Variants in GRIN2B observed in about 807,000 individuals in gnomAD.
GRIN2B encodes glutamate ionotropic receptor NMDA type subunit 2B.
A neutral mutation model predicts 114.5 loss-of-function variants in GRIN2B; 5 were observed. The observed-to-expected ratio is 0.04, with a 90% confidence interval of 0.02 to 0.09. The LOEUF (loss-of-function observed/expected upper bound fraction) is 0.09. Among genes scored for constraint, GRIN2B ranks in the 10% least tolerant of loss-of-function variants. GRIN2B has a pLI of 1.00. For synonymous variants in GRIN2B, 787 were observed against 745.1 expected, an observed-to-expected ratio of 1.06 and a Z score of -0.92; for missense variants, 1,108 against 1,943.5, an observed-to-expected ratio of 0.57 and a Z score of 8.08.
chr12:13,729,285 T>G (rs796970212), intron 4 of GRIN2B, among the ~76,000 whole-genome samples: 7 of 152,312 alleles, frequency 4.6e-5, no homozygotes, highest in African/African-American at 1.7e-4. Flanking sequence ...TAACTCTTTA[T>G]CACAAATAAT....
chr12:13,915,046 GAGA>G (rs1249250296), intron 2 of GRIN2B, among the ~76,000 whole-genome samples: 1 of 152,130 alleles, frequency 6.6e-6, no homozygotes, highest in Non-Finnish European at 1.5e-5. Flanking sequence ...ATAACTAGAA[GAGA>G]AGAATCCAAA....
At chr12:13,965,047 T>A (rs902425592) in intron 2 of GRIN2B, among the ~76,000 whole-genome samples, 5 of 152,152 alleles carry the variant, frequency 3.3e-5, no homozygotes, top group African/African-American at 7.2e-5. Flanking sequence ...TTGACCACCA[T>A]CTATTTAACC....
chr12:13,692,104 A>T (rs1308785823), intron 4 of GRIN2B, among the ~76,000 whole-genome samples: 2 of 152,196 alleles, frequency 1.3e-5, no homozygotes, highest in African/African-American at 2.4e-5. Context: ...TGAGGTAAAT[A>T]ATTTCCCTGT....
chr12:13,748,224 G>A (rs1863422562), intron 4 of GRIN2B, among the ~76,000 whole-genome samples: 1 of 152,214 alleles, frequency 6.6e-6, no homozygotes, highest in African/African-American at 2.4e-5. Flanking sequence ...TAAGAGGTTT[G>A]CTATATTAAG....
At chr12:13,875,639 G>A (rs1030824903) in intron 2 of GRIN2B, among the ~76,000 whole-genome samples, 3 of 152,106 alleles carry the variant, frequency 2.0e-5, no homozygotes, top group Admixed American at 6.5e-5. Flanking sequence ...CCAAGCCACC[G>A]CATCCCTCCA....
At position 13,543,715 on chromosome 12, in the gene GRIN2B, T is replaced by C. The variant is rs1948311212; in HGVS notation, c.*19068A>G. ...ATGGCTATATGACTCATTCATGCTT[T>C]CTTCCTTCCAAAACCTCCAATACTC... On this transcript the variant is annotated 3_prime_UTR_variant, in exon 14 of 14. Transcript: ENST00000609686. The C allele has an allele frequency of 6.6e-6, 1 of 152,148 alleles. No individual in the cohort carries two copies. The highest frequency in any genetic ancestry group is 1.5e-5 in the Non-Finnish European group (1 of 68,048). 9.4% of individuals were successfully genotyped at this position (152,148 alleles called of 1,614,324 possible). A position where few individuals can be genotyped will look rare whatever the true frequency, so the allele number is the denominator to read the frequency against.
intron 10 of GRIN2B, among the ~76,000 whole-genome samples, chr12:13,595,507 C>T (rs745387178): frequency 3.9e-5 from 6 of 152,158 alleles, no homozygotes; most frequent in Admixed American, 2.6e-4. Flanking sequence ...ATGTCAGACC[C>T]GGGGGTGACC....
chr12:13,583,842 C>T (rs1374640033), intron 10 of GRIN2B, among the ~76,000 whole-genome samples: 1 of 152,040 alleles, frequency 6.6e-6, no homozygotes, highest in Non-Finnish European at 1.5e-5. Context: ...ATGGAGCACA[C>T]CGAATGGTCA....
At chr12:13,626,731 T>A (rs2136492764) in intron 5 of GRIN2B, among the ~76,000 whole-genome samples, 1 of 151,976 alleles carries the variant, frequency 6.6e-6, no homozygotes, top group Non-Finnish European at 1.5e-5. Flanking sequence ...CCTTAATCTT[T>A]TTAACCCTGT....
At position 13,546,484 on chromosome 12, in the gene GRIN2B, A is replaced by G. The variant is rs1024425389; in HGVS notation, c.*16299T>C. On this transcript the variant is annotated 3_prime_UTR_variant, in exon 14 of 14. Transcript: ENST00000609686. ...ACCAGAGCATCTGGATGTGGGTGTC[A>G]TCGTCTCTTCACCACCAAACCATTC... is the stretch of plus-strand genomic sequence containing the variant. 1 of 152,222 alleles carries G rather than the reference A, an allele frequency of 6.6e-6. No individual in the cohort carries two copies. The highest frequency in any genetic ancestry group is 1.5e-5 in the Non-Finnish European group (1 of 68,038). The allele number at this position is 152,222 out of a possible 1,614,324, so 9.4% of individuals were successfully genotyped here. A position where few individuals can be genotyped will look rare whatever the true frequency, so the allele number is the denominator to read the frequency against.
rs115939177 is a variant in GRIN2B, at chr12:13,958,349, C to G, written c.-19+21579G>C. Reference sequence around the variant, plus strand: ...CAAGAACTGAGTCCAAACGCCAGCACAGTCCTGATGCCCAGGAGCAAGTCA... The same window carrying G: ...CAAGAACTGAGTCCAAACGCCAGCAGAGTCCTGATGCCCAGGAGCAAGTCA... On this transcript the variant is annotated intron_variant, in intron 2 of 13. Coordinates refer to ENST00000609686, the MANE Select transcript of GRIN2B (RefSeq NM_000834.5). Among the ~76,000 whole-genome samples the G allele has an allele frequency of 9.7e-3, 1,470 of 152,310 alleles. 25 individuals carry two copies. Among genetic ancestry groups the G allele is most frequent in the African/African-American group, 0.034 (1,398 of 41,562 alleles).
chr12:13,666,170 C>T (rs981978551), intron 5 of GRIN2B, among the ~76,000 whole-genome samples: 6 of 152,166 alleles, frequency 3.9e-5, no homozygotes, highest in African/African-American at 1.2e-4. Context: ...ATCACTCCCT[C>T]CCCAGTGACT....
At chr12:13,783,003 C>T (rs555144527) in intron 3 of GRIN2B, among the ~76,000 whole-genome samples, 5 of 152,224 alleles carry the variant, frequency 3.3e-5, no homozygotes, top group South Asian at 4.2e-4. Flanking sequence ...AGTCACTGTC[C>T]TTCCCCCCAA....
At chr12:13,569,081 A>G (rs558903262) in intron 12 of GRIN2B, among the ~76,000 whole-genome samples, 2 of 152,172 alleles carry the variant, frequency 1.3e-5, no homozygotes, top group Non-Finnish European at 2.9e-5. Flanking sequence ...ATGTGAGATG[A>G]CTGGATGAAA....
At chr12:13,633,860 T>G (rs527363214) in intron 5 of GRIN2B, among the ~76,000 whole-genome samples, 25 of 151,876 alleles carry the variant, frequency 1.6e-4, no homozygotes, top group Non-Finnish European at 7.4e-5. Flanking sequence ...CCCCACCTGT[T>G]TCTGATTCTC....
At chr12:13,629,104 A>C (rs1364416334) in intron 5 of GRIN2B, among the ~76,000 whole-genome samples, 1 of 152,222 alleles carries the variant, frequency 6.6e-6, no homozygotes, top group East Asian at 1.9e-4. Context: ...TGTCAAATTC[A>C]TAGAACAGTT....
intron 3 of GRIN2B, among the ~76,000 whole-genome samples, chr12:13,811,260 A>G (rs1864723491): frequency 6.6e-6 from 1 of 152,242 alleles, no homozygotes; most frequent in Admixed American, 6.5e-5. Context: ...CTAGTCTTCT[A>G]AAGAATGTGA....
chr12:13,741,933 C>T (rs1863293660), intron 4 of GRIN2B, among the ~76,000 whole-genome samples: 1 of 152,162 alleles, frequency 6.6e-6, no homozygotes, highest in Admixed American at 6.5e-5. Context: ...GCCCTTGGCA[C>T]ATAGTATTCA....
At chr12:13,576,417 GA>G (rs1378613848) in intron 10 of GRIN2B, among the ~76,000 whole-genome samples, 3 of 152,064 alleles carry the variant, frequency 2.0e-5, no homozygotes, top group Admixed American at 6.5e-5. Flanking sequence ...GAACAGTGAG[GA>G]CCCTGAAAAA....
Sources: allele counts gnomAD v4.1 joint callset (sites outside exome capture counted in the v4.1 genomes callset), GRCh38; gene constraint gnomAD v4.1.1; transcripts MANE v1.5; gene names NCBI Gene and HGNC (gene_info 2026-07-23, HGNC 2026-07-21).